TRPC4AP: variants seen among roughly 807,000 people sequenced by gnomAD.
TRPC4AP encodes the protein transient receptor potential cation channel subfamily C member 4 associated protein.
A neutral mutation model predicts 99.0 loss-of-function variants in TRPC4AP; 45 were observed. The ratio of observed to expected loss-of-function variants is 0.45; its 90% confidence interval spans 0.36 to 0.58. The LOEUF (loss-of-function observed/expected upper bound fraction) is 0.58, where lower values mean the gene tolerates loss of function less well. TRPC4AP is among the 20% of genes least tolerant of loss of function. TRPC4AP has a pLI of 0.00. For synonymous variants in TRPC4AP, 408 were observed against 385.8 expected, an observed-to-expected ratio of 1.06 and a Z score of -0.67; for missense variants, 879 against 985.3, an observed-to-expected ratio of 0.89 and a Z score of 1.44.
At chr20:35,086,463 G>GTA (rs1569157445) in intron 1 of TRPC4AP, among the ~76,000 whole-genome samples, 2 of 125,510 alleles carry the variant, frequency 1.6e-5, no homozygotes, top group African/African-American at 7.6e-5. Flanking sequence ...GTGTGTGTGT[G>GTA]TGTGTGTGTG....
At chr20:35,069,214 T>A in intron 3 of TRPC4AP, 82 bp downstream of exon 3, 5 of 780,226 alleles carry the variant, frequency 6.4e-6, no homozygotes, top group Non-Finnish European at 2.1e-6. Context: ...TCTGAAATCT[T>A]TCCTATCTCC....
At chr20:35,054,189 G>GTTTT (rs11430339) in intron 5 of TRPC4AP, among the ~76,000 whole-genome samples, 6 of 146,828 alleles carry the variant, frequency 4.1e-5, no homozygotes, top group African/African-American at 5.0e-5. Flanking sequence ...GGAGCTAAAT[G>GTTTT]TTTTTTTTTT....
At chr20:35,040,803 C>T (rs1008202518) in intron 7 of TRPC4AP, among the ~76,000 whole-genome samples, 5 of 152,084 alleles carry the variant, frequency 3.3e-5, no homozygotes, top group African/African-American at 4.8e-5. Context: ...GGGACTCCTC[C>T]GCCTGTGATC....
chr20:35,010,331 G>T, intron 11 of TRPC4AP, 43 bp from the exon 12 acceptor site: 1 of 1,528,348 alleles, frequency 6.5e-7, no homozygotes. Flanking sequence ...CAGGAACTGG[G>T]GCTGCTGGGT....
intron 7 of TRPC4AP, among the ~76,000 whole-genome samples, chr20:35,038,923 A>T (rs1406262465): frequency 6.6e-6 from 1 of 152,134 alleles, no homozygotes; most frequent in Non-Finnish European, 1.5e-5. Context: ...AATACAAAAA[A>T]ATTAGTCGGG....
At chr20:35,057,427 GA>G in intron 4 of TRPC4AP, 86 bp downstream of exon 4, 3 of 1,066,286 alleles carry the variant, frequency 2.8e-6, no homozygotes, top group Non-Finnish European at 4.3e-6. Context: ...TAAGAGTTAG[GA>G]AGGGAAGGAA....
chr20:35,015,310 A>G (rs1355911880), intron 10 of TRPC4AP, among the ~76,000 whole-genome samples: 1 of 151,802 alleles, frequency 6.6e-6, no homozygotes, highest in Non-Finnish European at 1.5e-5. Context: ...GCACGGTTCT[A>G]TAGGTGGATG....
chr20:35,083,880 T>C (rs1283628859), intron 1 of TRPC4AP, among the ~76,000 whole-genome samples: 2 of 151,350 alleles, frequency 1.3e-5, no homozygotes, highest in Non-Finnish European at 2.9e-5. Context: ...CTCAGCTGTA[T>C]AGCAGACCTA....
At chr20:35,064,145 A>G (rs1046821457) in intron 3 of TRPC4AP, among the ~76,000 whole-genome samples, 1 of 152,226 alleles carries the variant, frequency 6.6e-6, no homozygotes, top group African/African-American at 2.4e-5. Flanking sequence ...GACTAAGCCC[A>G]TATGTTTAAA....
intron 1 of TRPC4AP, 104 bp downstream of exon 1, chr20:35,092,510 G>A: frequency 7.6e-7 from 1 of 1,324,464 alleles, no homozygotes; most frequent in South Asian, 1.7e-5. Flanking sequence ...CAGCCAAAAG[G>A]GCTTTGGCCC....
At chr20:35,045,740 A>G (rs938121667) in intron 6 of TRPC4AP, among the ~76,000 whole-genome samples, 1 of 151,964 alleles carries the variant, frequency 6.6e-6, no homozygotes, top group African/African-American at 2.4e-5. Context: ...GGGTTTCACC[A>G]TGTTGGCCAG....
chr20:35,068,227 CAA>C (rs2084195746), intron 3 of TRPC4AP, among the ~76,000 whole-genome samples: 1 of 151,998 alleles, frequency 6.6e-6, no homozygotes, highest in East Asian at 1.9e-4. Flanking sequence ...ACTTCAGTAA[CAA>C]AGTCTATAAA....
chr20:35,092,219 C>A (rs2085088963), intron 1 of TRPC4AP, among the ~76,000 whole-genome samples: 1 of 151,998 alleles, frequency 6.6e-6, no homozygotes, highest in Non-Finnish European at 1.5e-5. Flanking sequence ...GCTCGGGAAC[C>A]ATTTGGGGGC....
At chr20:35,045,613 A>C (rs1027292250) in intron 6 of TRPC4AP, among the ~76,000 whole-genome samples, 2 of 151,158 alleles carry the variant, frequency 1.3e-5, no homozygotes, top group Non-Finnish European at 2.9e-5. Context: ...ATCTTGACTC[A>C]CTGCAAACTC....
intron 3 of TRPC4AP, among the ~76,000 whole-genome samples, chr20:35,059,748 A>AGAAGAAGAC (rs1325103123): frequency 6.7e-6 from 1 of 150,292 alleles, no homozygotes; most frequent in East Asian, 1.9e-4. Context: ...ACGACGAAGA[A>AGAAGAAGAC]GAAGAAGACG....
chr20:35,064,806 A>C (rs1042260824), intron 3 of TRPC4AP, among the ~76,000 whole-genome samples: 2 of 152,252 alleles, frequency 1.3e-5, no homozygotes, highest in African/African-American at 4.8e-5. Flanking sequence ...GAATTTTCCC[A>C]TATTACTATA....
intron 11 of TRPC4AP, 69 bp from the exon 12 acceptor site, chr20:35,010,357 G>T: frequency 7.6e-7 from 1 of 1,318,582 alleles, no homozygotes; most frequent in Non-Finnish European, 1.1e-6. Context: ...CCAGGCTAGT[G>T]TAGGGAGTCT....
intron 3 of TRPC4AP, among the ~76,000 whole-genome samples, chr20:35,059,905 C>T (rs62213715): frequency 1.2e-3 from 55 of 46,144 alleles, no homozygotes; most frequent in Admixed American, 5.2e-3. Context: ...ATGAAGAAGA[C>T]GAAGACGAAG....
intron 3 of TRPC4AP, among the ~76,000 whole-genome samples, chr20:35,068,892 A>G (rs1448377108): frequency 2.6e-5 from 4 of 151,474 alleles, no homozygotes; most frequent in Admixed American, 6.6e-5. Flanking sequence ...TGTATATGGT[A>G]TATCACTCTA....
Sources: allele counts gnomAD v4.1 joint callset (sites outside exome capture counted in the v4.1 genomes callset), GRCh38; gene constraint gnomAD v4.1.1; transcripts MANE v1.5; gene names NCBI Gene and HGNC (gene_info 2026-07-23, HGNC 2026-07-21).